Variants in UPRT observed in about 807,000 individuals in gnomAD.
UPRT encodes uracil phosphoribosyltransferase homolog, also known as RP11-311P8.3.
In UPRT, 5 loss-of-function variants were observed where a neutral mutation model predicts 22.6. The observed-to-expected ratio is 0.22, with a 90% confidence interval of 0.12 to 0.47. The LOEUF (loss-of-function observed/expected upper bound fraction) is 0.47. Among genes scored for constraint, UPRT ranks in the 20% least tolerant of loss-of-function variants. The pLI is 0.99. For missense variants in UPRT, 181 were observed against 239.9 expected (o/e 0.75, Z 1.62); for synonymous variants, 77 against 87.7 (o/e 0.88, Z 0.68).
intron 1 of UPRT, among the ~76,000 whole-genome samples, chrX:75,285,907 G>T (rs1285941211): frequency 1.8e-5 from 2 of 110,586 alleles, no homozygotes; most frequent in African/African-American, 3.3e-5. Flanking sequence ...CTTCACTGGG[G>T]GTTTGTTTTT....
chrX:75,262,169 A>G lies in UPRT; in HGVS notation c.-446-28855A>G, dbSNP rs1249859419. On this transcript the variant is annotated intron_variant, in intron 4 of 13. Coordinates refer to the UPRT transcript ENST00000652605. ...AAAAGAATTTTCAACCCAGAATTTCATATCCAGCCAAACTAAGCTTCATAA... is the reference window on the plus strand; with the variant it reads ...AAAAGAATTTTCAACCCAGAATTTCGTATCCAGCCAAACTAAGCTTCATAA... 3.6e-5 allele frequency among the ~76,000 whole-genome samples: 4 copies of G among 111,764 alleles called. No individual in the cohort carries two copies. The South Asian group carries it at 1.1e-3, about 31-fold the overall frequency.
rs190631413 is a variant in UPRT, at chrX:75,248,502, T to A, written c.-446-42522T>A. Among the ~76,000 whole-genome samples, 939 of 110,933 alleles carry A rather than the reference T, an allele frequency of 8.5e-3. 12 individuals carry two copies. The highest frequency in any genetic ancestry group is 0.028 in the African/African-American group (866 of 30,512). On this transcript the variant is annotated intron_variant, in intron 4 of 13. Transcript: ENST00000652605. ...AATGAAATGAAGTGTGAAGAGAAGT[T>A]TAGAGAAAAAAGACTAAAAAGAAAT...
intron 4 of UPRT, among the ~76,000 whole-genome samples, chrX:75,189,792 C>A (rs2082308358): frequency 9.0e-6 from 1 of 111,706 alleles, no homozygotes; most frequent in Admixed American, 9.5e-5. Context: ...TTATCAGAGA[C>A]TAGTATTGCG....
In UPRT at chrX:75,259,122, C is replaced by T. The variant is rs764873980; in HGVS notation, c.-446-31902C>T. On this transcript the variant is annotated intron_variant, in intron 4 of 13. Transcript: ENST00000652605. ...CTAAGAGACCCCATCCGAAGGTCAC[C>T]GACATCAAAGACCAAAAAGAGATAA... is the stretch of plus-strand genomic sequence containing the variant. Among the ~76,000 whole-genome samples the T allele has an allele frequency of 2.2e-4, 24 of 110,980 alleles. 1 individual carries two copies. The highest frequency in any genetic ancestry group is 1.2e-3 in the Admixed American group (13 of 10,445).
At chrX:75,267,048 G>T (rs1277957018) in intron 4 of UPRT, among the ~76,000 whole-genome samples, 1 of 111,276 alleles carries the variant, frequency 9.0e-6, no homozygotes, top group East Asian at 2.9e-4. Context: ...CAAGGATCTA[G>T]AACTAGATAT....
At chrX:75,262,608 A>T (rs2082572541) in intron 4 of UPRT, among the ~76,000 whole-genome samples, 1 of 111,407 alleles carries the variant, frequency 9.0e-6, no homozygotes, top group Admixed American at 9.7e-5. Flanking sequence ...GCAAATGGAA[A>T]GCAAAACAAA....
At position 75,182,420 on chromosome X, in the gene UPRT, T is replaced by C. The variant is rs192486177; in HGVS notation, c.-447+14541T>C. On this transcript the variant is annotated intron_variant, in intron 4 of 13. Coordinates refer to the UPRT transcript ENST00000652605. ...TTTCCTCAATTCTTTGGAATAGTTT[T>C]AGTTGAAATGGTACCAGCTCTTCTT... 3.6e-5 allele frequency among the ~76,000 whole-genome samples: 4 copies of C among 111,866 alleles called. No homozygotes were observed. In the East Asian group the frequency reaches 1.1e-3, roughly 31 times the overall value.
At chrX:75,179,684 G>A (rs947548302) in intron 4 of UPRT, among the ~76,000 whole-genome samples, 16 of 113,399 alleles carry the variant, frequency 1.4e-4, no homozygotes, top group Admixed American at 4.6e-4. Flanking sequence ...GCTAAGGCTC[G>A]GTGAGAAATT....
chrX:75,189,165 G>T (rs2082306348), intron 4 of UPRT, among the ~76,000 whole-genome samples: 1 of 112,137 alleles, frequency 8.9e-6, no homozygotes, highest in Non-Finnish European at 1.9e-5. Flanking sequence ...GTGTTCCAGA[G>T]ATTCTGGTAT....
rs1465437227 is a variant in UPRT at position 75,185,642 on chromosome X, A to G, written c.-447+17763A>G. Among the ~76,000 whole-genome samples, 5 of 111,813 alleles carry G rather than the reference A, an allele frequency of 4.5e-5. No homozygotes were observed. The East Asian group carries it at 8.4e-4, about 19-fold the overall frequency. On this transcript the variant is annotated intron_variant, in intron 4 of 13. Transcript: ENST00000652605. ...TCTGGTAGAATTCCGCTGTGAATCC[A>G]TCTGGTCCTGGACTCTTTTTTGTTG...
At chrX:75,293,579 G>A (rs1175340019) in intron 2 of UPRT, 65 bp downstream of exon 2, 1 of 1,087,975 alleles carries the variant, frequency 9.2e-7, no homozygotes, top group Non-Finnish European at 1.2e-6. Flanking sequence ...GGTAGACCAA[G>A]GGATATTTTT....
At chrX:75,160,112 T>C (rs1420230155) in intron 1 of UPRT, among the ~76,000 whole-genome samples, 3 of 111,780 alleles carry the variant, frequency 2.7e-5, no homozygotes, top group Non-Finnish European at 3.8e-5. Flanking sequence ...GATCCCGGCA[T>C]TGCCCTTCTC....
At position 75,283,926 on chromosome X, in the gene UPRT, C is replaced by T. The variant is rs531539586; in HGVS notation, c.386+9286C>T. On this transcript the variant is annotated intron_variant, in intron 1 of 6. Coordinates refer to ENST00000373383, the MANE Select transcript of UPRT (RefSeq NM_145052.4). The stretch of plus-strand genomic sequence containing the variant: ...AGAATTCTCTTCTTCCTCAGGAACA[C>T]GGATTATTCCTAGGTTTAGTTGTTT... Among the ~76,000 whole-genome samples, 153 of 111,848 alleles carry T rather than the reference C, an allele frequency of 1.4e-3. 4 individuals are homozygous for T. In the South Asian group the frequency reaches 0.054, roughly 40 times the overall value.
chrX:75,199,860 A>C (rs2082343044), intron 4 of UPRT, among the ~76,000 whole-genome samples: 1 of 112,237 alleles, frequency 8.9e-6, no homozygotes, highest in Non-Finnish European at 1.9e-5. Flanking sequence ...CGTCACCAAC[A>C]GTGTAAAAGC....
intron 4 of UPRT, among the ~76,000 whole-genome samples, chrX:75,234,245 A>C (rs745312062): frequency 9.0e-6 from 1 of 111,622 alleles, no homozygotes; most frequent in African/African-American, 3.2e-5. Flanking sequence ...ACTATCCTAA[A>C]TATATATGCA....
intron 1 of UPRT, among the ~76,000 whole-genome samples, chrX:75,284,658 G>A (rs966375934): frequency 1.8e-5 from 2 of 111,729 alleles, no homozygotes; most frequent in Admixed American, 1.9e-4. Flanking sequence ...CCGCCTATGG[G>A]TCTGTCAGCC....
intron 4 of UPRT, among the ~76,000 whole-genome samples, chrX:75,238,781 G>T (rs1423623199): frequency 2.7e-5 from 3 of 111,292 alleles, no homozygotes; most frequent in Non-Finnish European, 5.7e-5. Context: ...AGACCACAGT[G>T]GAATAAAATT....
chrX:75,190,243 G>T (rs987534477), intron 4 of UPRT, among the ~76,000 whole-genome samples: 4 of 111,598 alleles, frequency 3.6e-5, no homozygotes, highest in African/African-American at 1.3e-4. Context: ...ATGAAGCTTA[G>T]TTTGGCTGGA....
intron 4 of UPRT, among the ~76,000 whole-genome samples, chrX:75,177,441 C>T (rs949123525): frequency 9.0e-6 from 1 of 110,990 alleles, no homozygotes; most frequent in Non-Finnish European, 1.9e-5. Flanking sequence ...CAAGGAGGAC[C>T]GACCGAGAAA....
Sources: allele counts gnomAD v4.1 joint callset (sites outside exome capture counted in the v4.1 genomes callset), GRCh38; gene constraint gnomAD v4.1.1; transcripts MANE v1.5; gene names NCBI Gene and HGNC (gene_info 2026-07-23, HGNC 2026-07-21).